Variants in GOPC observed in about 807,000 individuals in gnomAD.
GOPC encodes Golgi-associated PDZ and coiled-coil motif-containing protein.
GOPC carries 32 observed loss-of-function variants against 51.2 expected under a neutral mutation model. The ratio of observed to expected loss-of-function variants is 0.63; its 90% CI spans 0.47 to 0.84. GOPC has a LOEUF of 0.84. Among genes scored for constraint, GOPC ranks in the 40% least tolerant of loss-of-function variants. GOPC has a pLI of 0.00. For missense variants in GOPC, 441 were observed against 555.5 expected (o/e 0.79, Z 2.07); for synonymous variants, 190 against 205.1 (o/e 0.93, Z 0.63).
Position 117,563,225 on chromosome 6 carries a change from T to A in GOPC, c.*29A>T. On this transcript the variant is annotated 3_prime_UTR_variant, in exon 9 of 9. Transcript: ENST00000368498. ...TGCCCCAAATTCAGAATAGTCTGATTAACAATCTTGTCTGGAGATATGGTC... is the reference window on the plus strand; with the variant it reads ...TGCCCCAAATTCAGAATAGTCTGATAAACAATCTTGTCTGGAGATATGGTC... 1 of 1,600,802 alleles carries A rather than the reference T, an allele frequency of 6.2e-7. No individual in the cohort carries two copies. The highest frequency in any genetic ancestry group is 2.2e-5 in the East Asian group (1 of 44,796).
intron 8 of GOPC, among the ~76,000 whole-genome samples, chr6:117,565,362 C>T (rs570144272): frequency 6.6e-6 from 1 of 152,254 alleles, no homozygotes; most frequent in East Asian, 1.9e-4. Flanking sequence ...TTTCAGATAA[C>T]TGTCAGTATT....
chr6:117,602,053 T>C lies in GOPC; in HGVS notation c.236A>G (p.Gln79Arg). ...CACAGACTGGGCTTTGTGGCAAAGCTGTGCAAAGCAGGAGCTCAGGCTGGT... is the reference window on the plus strand; with the variant it reads ...CACAGACTGGGCTTTGTGGCAAAGCCGTGCAAAGCAGGAGCTCAGGCTGGT... ...KMTSLSSCFA[Q>R]LCHKAQSVSQ... is the part of the protein sequence containing the mutation. Residue 79 changes from glutamine to arginine, a missense_variant, in exon 1 of 9, where the codon CAG (glutamine) becomes CGG (arginine). Gln to Arg is a conservative substitution (Grantham distance 43). This residue lies in a region of GOPC where 204 missense variants were observed against 219.8 expected (regional missense o/e 0.93). Transcript: ENST00000368498. 6.2e-7 allele frequency: 1 copy of C among 1,614,206 alleles called. No individual in the cohort carries two copies. Among genetic ancestry groups the C allele is most frequent in the Non-Finnish European group, 8.5e-7 (1 of 1,180,042 alleles).
intron 1 of GOPC, 22 bp from the exon 2 acceptor site, chr6:117,579,086 G>A: frequency 6.4e-7 from 1 of 1,551,908 alleles, no homozygotes; most frequent in Non-Finnish European, 8.7e-7. Flanking sequence ...AACAATAGAA[G>A]AAATTAAGGA....
At position 117,562,557 on chromosome 6, in the gene GOPC, C is replaced by G. The variant is rs769230522; in HGVS notation, c.*697G>C. 1 of 202,616 alleles carries G rather than the reference C, an allele frequency of 4.9e-6. No homozygotes were observed. Among genetic ancestry groups the G allele is most frequent in the South Asian group, 1.9e-4 (1 of 5,284 alleles). 12.6% of individuals were successfully genotyped at this position (202,616 alleles called of 1,614,324 possible). A position where few individuals can be genotyped will look rare whatever the true frequency, so the allele number is the denominator to read the frequency against. ...AGATGTTTTACACTCATCTGCATTT[C>G]TTTTAAAAAACAAAAAAAGTAAAAT... On this transcript the variant is annotated 3_prime_UTR_variant, in exon 9 of 9. Transcript: ENST00000368498.
intron 1 of GOPC, among the ~76,000 whole-genome samples, chr6:117,601,707 G>GAC (rs1439940349): frequency 5.3e-5 from 8 of 152,316 alleles, no homozygotes; most frequent in African/African-American, 1.7e-4. Context: ...TCATGACAGA[G>GAC]AATCTTTGTT....
In GOPC at chr6:117,575,282, A is replaced by G. The variant is rs1779863976; in HGVS notation, c.545T>C (p.Leu182Ser). Residue 182 changes from leucine (L) to serine (S), a missense_variant, in exon 4 of 9, where the codon TTG becomes TCG. Physicochemically the swap from Leu to Ser is moderately radical, Grantham distance 145. Coordinates refer to ENST00000368498, the MANE Select transcript of GOPC (RefSeq NM_020399.4). Reference sequence around the variant, plus strand: ...ACGAAGGGCTTCATTCTCTTTTCTCAACAATTTCACTTCAGCTTCAAGTTG... The same window carrying G: ...ACGAAGGGCTTCATTCTCTTTTCTCGACAATTTCACTTCAGCTTCAAGTTG... ...EAQLEAEVKLLRKENEALRRH... is the reference protein window; with the variant it reads ...EAQLEAEVKLSRKENEALRRH... 1 of 1,613,566 alleles carries G rather than the reference A, an allele frequency of 6.2e-7. No individual in the cohort carries two copies. The highest frequency in any genetic ancestry group is 8.5e-7 in the Non-Finnish European group (1 of 1,179,770).
intron 1 of GOPC, among the ~76,000 whole-genome samples, chr6:117,588,109 A>T (rs1477969503): frequency 6.6e-6 from 1 of 152,060 alleles, no homozygotes; most frequent in African/African-American, 2.4e-5. Flanking sequence ...TTGAACTCCT[A>T]GTCTAAAGTG....
intron 1 of GOPC, among the ~76,000 whole-genome samples, chr6:117,584,991 G>A (rs1021582669): frequency 3.3e-5 from 5 of 152,090 alleles, no homozygotes; most frequent in Non-Finnish European, 7.4e-5. Context: ...GCATCATGCT[G>A]CCTGTACAGC....
In GOPC at chr6:117,560,358, T is replaced by C. The variant is rs1779559537; in HGVS notation, c.*2896A>G. The C allele has an allele frequency of 5.5e-6, 1 of 181,386 alleles. No homozygotes were observed. The highest frequency in any genetic ancestry group is 2.4e-5 in the African/African-American group (1 of 42,538). The allele number at this position is 181,386 out of a possible 1,614,324, so 11.2% of individuals were successfully genotyped here. A position where few individuals can be genotyped will look rare whatever the true frequency, so the allele number is the denominator to read the frequency against. On this transcript the variant is annotated 3_prime_UTR_variant, in exon 9 of 9. Coordinates refer to ENST00000368498, the MANE Select transcript of GOPC (RefSeq NM_020399.4). ...GATGCCATCTTTATTTACAGGCTAA[T>C]AAAAAAATATTAAACTCAACTAGAT...
At chr6:117,598,851 T>C (rs748659322) in intron 1 of GOPC, among the ~76,000 whole-genome samples, 4 of 152,192 alleles carry the variant, frequency 2.6e-5, no homozygotes, top group African/African-American at 9.7e-5. Flanking sequence ...CATAAGATGA[T>C]TACAGTTAAT....
At chr6:117,577,866 C>G (rs1779905442) in intron 2 of GOPC, among the ~76,000 whole-genome samples, 1 of 152,032 alleles carries the variant, frequency 6.6e-6, no homozygotes, top group African/African-American at 2.4e-5. Flanking sequence ...AGTTAGAAAA[C>G]TTAAGAGTTT....
Position 117,560,616 on chromosome 6 carries a change from T to C in GOPC, c.*2638A>G, listed in dbSNP as rs1345490660. The C allele has an allele frequency of 1.5e-5, 3 of 195,276 alleles. No homozygotes were observed. The highest frequency in any genetic ancestry group is 6.1e-5 in the Admixed American group (1 of 16,434). 12.1% of individuals were successfully genotyped at this position (195,276 alleles called of 1,614,324 possible). Reference sequence around the variant, plus strand: ...TTCGATAGCTGTTGACTTGTAATTATCAAGACTCACAAAATTTTCGTCTTT... The same window carrying C: ...TTCGATAGCTGTTGACTTGTAATTACCAAGACTCACAAAATTTTCGTCTTT... On this transcript the variant is annotated 3_prime_UTR_variant, in exon 9 of 9. Coordinates refer to ENST00000368498, the MANE Select transcript of GOPC (RefSeq NM_020399.4).
intron 7 of GOPC, among the ~76,000 whole-genome samples, chr6:117,569,062 C>T (rs1303302333): frequency 1.3e-5 from 2 of 152,174 alleles, no homozygotes; most frequent in Non-Finnish European, 2.9e-5. Context: ...ATTTGCTTGG[C>T]AACTTTGAGT....
chr6:117,569,669 C>A lies in GOPC; in HGVS notation c.980G>T (p.Cys327Phe). 6.2e-7 allele frequency: 1 copy of A among 1,611,312 alleles called. No individual in the cohort carries two copies. The highest frequency in any genetic ancestry group is 1.3e-5 in the African/African-American group (1 of 74,890). The change falls in exon 7 of 9, where the codon TGC (cysteine) becomes TTC (phenylalanine). Residue 327 changes from cysteine to phenylalanine, a missense_variant. Cys to Phe is a radical substitution (Grantham distance 205). This residue lies in a region of GOPC where 166 missense variants were observed against 267.0 expected (regional missense o/e 0.62). Coordinates refer to ENST00000368498, the MANE Select transcript of GOPC (RefSeq NM_020399.4). The stretch of plus-strand genomic sequence containing the variant: ...AGCATCCCCAACGTGCAGCCCTCCG[C>A]ATCTATCAGCAGGTTGCCCCGGATG... ...EIHPGQPADR[C>F]GGLHVGDAIL... is the part of the protein sequence containing the mutation.
intron 1 of GOPC, among the ~76,000 whole-genome samples, chr6:117,599,873 CA>C (rs553877598): frequency 1.5e-3 from 228 of 152,294 alleles, no homozygotes; most frequent in Non-Finnish European, 2.7e-3. Flanking sequence ...CTCCCAATTT[CA>C]ATTTTTATAT....
chr6:117,569,690 G>C lies in GOPC; in HGVS notation c.959C>G (p.Pro320Arg). Residue 320 changes from proline (P) to arginine (R), a missense_variant, in exon 7 of 9, where the codon CCG becomes CGG. Pro to Arg is a moderately radical substitution (Grantham distance 103, BLOSUM62 -2). Coordinates refer to ENST00000368498, the MANE Select transcript of GOPC (RefSeq NM_020399.4). ...TCCGCATCTATCAGCAGGTTGCCCC[G>C]GATGGATCTCAGAGATGAGGATTGG... ...GVPILISEIH[P>R]GQPADRCGGL... 1 of 1,607,796 alleles carries C rather than the reference G, an allele frequency of 6.2e-7. No homozygotes were observed. The highest frequency in any genetic ancestry group is 8.5e-7 in the Non-Finnish European group (1 of 1,177,742).
At chr6:117,572,326 A>G (rs1193438384) in intron 5 of GOPC, among the ~76,000 whole-genome samples, 1 of 152,036 alleles carries the variant, frequency 6.6e-6, no homozygotes. Flanking sequence ...CCTGATTATA[A>G]TCCTCTCAAA....
intron 5 of GOPC, among the ~76,000 whole-genome samples, chr6:117,572,630 A>G (rs1296734118): frequency 6.6e-6 from 1 of 152,150 alleles, no homozygotes; most frequent in Non-Finnish European, 1.5e-5. Context: ...TTTATCACTC[A>G]GACACATCTG....
intron 1 of GOPC, among the ~76,000 whole-genome samples, chr6:117,599,999 T>C (rs1363082040): frequency 1.3e-5 from 2 of 152,228 alleles, no homozygotes; most frequent in Non-Finnish European, 2.9e-5. Context: ...GTAAATGATA[T>C]GAAATTTCTC....
Sources: allele counts gnomAD v4.1 joint callset (sites outside exome capture counted in the v4.1 genomes callset), GRCh38; gene constraint gnomAD v4.1.1; regional missense constraint gnomAD v4.1.1; transcripts MANE v1.5; gene names NCBI Gene and HGNC (gene_info 2026-07-23, HGNC 2026-07-21).